ADAM28: variants seen among roughly 807,000 people sequenced by gnomAD.
The protein encoded by ADAM28 is disintegrin and metalloproteinase domain-containing protein 28.
ADAM28 carries 105 observed loss-of-function variants against 101.2 expected under a neutral mutation model. That is an observed-to-expected ratio of 1.04 (90% CI 0.89 to 1.22). The LOEUF is 1.22. Among genes scored for constraint, ADAM28 ranks in the 50% most tolerant of loss-of-function variants. The pLI is 0.00. For synonymous variants in ADAM28, 322 were observed against 310.6 expected (o/e 1.04, Z -0.39); for missense variants, 1,028 against 945.4 (o/e 1.09, Z -1.15).
chr8:24,295,163 A>C (rs760847590), intron 1 of ADAM28, among the ~76,000 whole-genome samples: 1 of 152,166 alleles, frequency 6.6e-6, no homozygotes, highest in Non-Finnish European at 1.5e-5. Flanking sequence ...ATTTGTTTTC[A>C]AGACTTATAA....
At chr8:24,330,243 A>C in intron 11 of ADAM28, 128 bp downstream of exon 11, 1 of 1,111,114 alleles carries the variant, frequency 9.0e-7, no homozygotes, top group Non-Finnish European at 1.3e-6. Flanking sequence ...CATTTGTGCC[A>C]AGCCACCTCA....
In ADAM28 at chr8:24,354,659, T is replaced by G; in HGVS notation, c.*255T>G. On this transcript the variant is annotated 3_prime_UTR_variant, in exon 23 of 23. Transcript: ENST00000265769. ...GAAGGAAGATGATTGTAAAGAAATATCTCCGAAGTTAAAATCTGTAATAGG... is the reference window on the plus strand; with the variant it reads ...GAAGGAAGATGATTGTAAAGAAATAGCTCCGAAGTTAAAATCTGTAATAGG... 1 of 346,352 alleles carries G rather than the reference T, an allele frequency of 2.9e-6. No individual in the cohort carries two copies. Among genetic ancestry groups the G allele is most frequent in the East Asian group, 5.4e-5 (1 of 18,382 alleles). The allele number at this position is 346,352 out of a possible 1,614,324, so 21.5% of individuals were successfully genotyped here.
chr8:24,341,526 T>C (rs1295660201), intron 15 of ADAM28, 72 bp from the exon 16 acceptor site: 20 of 1,455,324 alleles, frequency 1.4e-5, no homozygotes, highest in Admixed American at 6.0e-5. Context: ...ATCAGTTAAA[T>C]ATCCATAGTC....
At chr8:24,304,432 TTC>T (rs1809267980) in intron 2 of ADAM28, among the ~76,000 whole-genome samples, 1 of 152,062 alleles carries the variant, frequency 6.6e-6, no homozygotes, top group Non-Finnish European at 1.5e-5. Context: ...ATTTTGTCCA[TTC>T]TCTCTGTATA....
At chr8:24,313,657 G>A in intron 6 of ADAM28, 77 bp downstream of exon 6, 2 of 1,439,898 alleles carry the variant, frequency 1.4e-6, no homozygotes, top group Non-Finnish European at 1.9e-6. Context: ...GCAATTTACT[G>A]AAACTATAGT....
chr8:24,351,073 G>A (rs1816057611), intron 19 of ADAM28, among the ~76,000 whole-genome samples, 159 bp from the exon 20 acceptor site: 3 of 152,116 alleles, frequency 2.0e-5, no homozygotes, highest in African/African-American at 7.2e-5. Context: ...GAAAGAGGCT[G>A]ACGGGGAAGT....
intron 7 of ADAM28, among the ~76,000 whole-genome samples, 195 bp from the exon 8 acceptor site, chr8:24,321,023 C>T (rs1811799059): frequency 2.0e-5 from 3 of 151,878 alleles, no homozygotes; most frequent in African/African-American, 7.2e-5. Context: ...GAAGAGAAAA[C>T]ATCATATTCA....
At chr8:24,331,007 G>A (rs183378025) in intron 11 of ADAM28, 143 bp from the exon 12 acceptor site, 11 of 718,258 alleles carry the variant, frequency 1.5e-5, no homozygotes, top group East Asian at 1.4e-4. Flanking sequence ...GCATGCAAAT[G>A]AGCTCACGAT....
chr8:24,333,221 T>C (rs534561441), intron 13 of ADAM28, among the ~76,000 whole-genome samples: 1 of 152,254 alleles, frequency 6.6e-6, no homozygotes, highest in South Asian at 2.1e-4. Flanking sequence ...TTATGTAGCA[T>C]GAGTAAGGTT....
chr8:24,354,401 A>T lies in ADAM28; in HGVS notation c.2325A>T (p.Ala775=), dbSNP rs947529355. The change falls in exon 23 of 23, where the codon GCA becomes GCT. Residue 775 remains alanine (A), a synonymous_variant. Transcript: ENST00000265769. ...VSTPKDSNPK[A] ...TTTTTTAGGACTCAAATCCAAAAGCATGAAGCAACAGCTAAGCAAGAACTA... is the reference window on the plus strand; with the variant it reads ...TTTTTTAGGACTCAAATCCAAAAGCTTGAAGCAACAGCTAAGCAAGAACTA... 1.4e-5 allele frequency: 22 copies of T among 1,603,850 alleles called. No homozygotes were observed. The Admixed American group carries it at 2.7e-4, about 20-fold the overall frequency.
chr8:24,305,278 A>G (rs2129247670), intron 2 of ADAM28, among the ~76,000 whole-genome samples: 1 of 152,088 alleles, frequency 6.6e-6, no homozygotes, highest in Non-Finnish European at 1.5e-5. Context: ...CGTCAGTCAC[A>G]GTCAGTATTA....
chr8:24,330,134 TGG>T lies in ADAM28; in HGVS notation c.1103+22_1103+23del, dbSNP rs1813179891. On this transcript the variant is annotated intron_variant, in intron 11 of 22. Coordinates refer to ENST00000265769, the MANE Select transcript of ADAM28 (RefSeq NM_014265.6). ...CACTGAGGTGAGGCTCTCTGGGCCCTGGGGACATGCTATGTAGCCCTGGTTTT... is the reference window on the plus strand; with the variant it reads ...CACTGAGGTGAGGCTCTCTGGGCCCTGGACATGCTATGTAGCCCTGGTTTT... 1 of 1,608,842 alleles carries T rather than the reference TGG, an allele frequency of 6.2e-7. No homozygotes were observed. Among genetic ancestry groups the T allele is most frequent in the African/African-American group, 1.3e-5 (1 of 74,770 alleles).
intron 13 of ADAM28, among the ~76,000 whole-genome samples, chr8:24,334,206 A>T (rs1221032024): frequency 6.6e-6 from 1 of 152,206 alleles, no homozygotes; most frequent in Non-Finnish European, 1.5e-5. Context: ...GTGTGATTCA[A>T]TGGCCTTGTA....
chr8:24,354,336 C>G (rs1358850089), intron 22 of ADAM28, 48 bp from the exon 23 acceptor site: 5 of 1,473,636 alleles, frequency 3.4e-6, no homozygotes, highest in Non-Finnish European at 4.6e-6. Context: ...TAGTAAATAT[C>G]TAAATTTTTG....
intron 20 of ADAM28, 131 bp downstream of exon 20, chr8:24,351,441 T>G: frequency 1.0e-6 from 1 of 976,804 alleles, no homozygotes; most frequent in Non-Finnish European, 1.6e-6. Flanking sequence ...AATGTCTCCT[T>G]TGCCTTTTGT....
At chr8:24,295,401 T>A (rs965949821) in intron 1 of ADAM28, among the ~76,000 whole-genome samples, 2 of 152,112 alleles carry the variant, frequency 1.3e-5, no homozygotes, top group African/African-American at 4.8e-5. Flanking sequence ...AAAATATATA[T>A]AAAACTCATG....
intron 18 of ADAM28, among the ~76,000 whole-genome samples, chr8:24,346,423 A>G (rs143248511): frequency 6.6e-6 from 1 of 152,246 alleles, no homozygotes; most frequent in Non-Finnish European, 1.5e-5. Context: ...ACTATATCAT[A>G]AATTGTTTTA....
rs776270847 is a variant in ADAM28, at chr8:24,341,728, G to C, written c.1801G>C (p.Ala601Pro). The part of the protein sequence containing the change: ...EDTSQEIGMV[A>P]NGTKCGDNKV... ...CACAAGTCAAGAAATAGGCATGGTG[G>C]CCAATGGAACTAAGTGTGGCGATAA... Residue 601 changes from alanine to proline, a missense_variant, in exon 16 of 23, where the codon GCC becomes CCC. Ala to Pro is a conservative substitution (Grantham distance 27). Transcript: ENST00000265769. 1.2e-6 allele frequency: 2 copies of C among 1,613,638 alleles called. No individual in the cohort carries two copies. Among genetic ancestry groups the C allele is most frequent in the African/African-American group, 2.7e-5 (2 of 74,890 alleles).
chr8:24,308,876 G>A (rs1382153345), intron 2 of ADAM28: 2 of 341,176 alleles, frequency 5.9e-6, no homozygotes, highest in Non-Finnish European at 1.2e-5. Flanking sequence ...ATACCATACC[G>A]GCCAGAAGGG....
Sources: allele counts gnomAD v4.1 joint callset (sites outside exome capture counted in the v4.1 genomes callset), GRCh38; gene constraint gnomAD v4.1.1; transcripts MANE v1.5; gene names NCBI Gene and HGNC (gene_info 2026-07-23, HGNC 2026-07-21).